AVIL: variants seen among roughly 807,000 people sequenced by gnomAD.
The protein encoded by AVIL is advillin.
A neutral mutation model predicts 109.9 loss-of-function variants in AVIL; 78 were observed. The observed-to-expected ratio is 0.71, with a 90% CI of 0.59 to 0.86. AVIL has a LOEUF of 0.86. Ranked by LOEUF, AVIL falls within the 40% of genes least tolerant of loss-of-function variation. The pLI, the probability that AVIL is intolerant of heterozygous loss-of-function variation, is 0.00. For synonymous variants in AVIL, 367 were observed against 379.1 expected, an observed-to-expected ratio of 0.97 and a Z score of 0.37; for missense variants, 892 against 1,016.5, an observed-to-expected ratio of 0.88 and a Z score of 1.67.
In AVIL at chr12:57,810,891, A is replaced by G. The variant is rs747622490; in HGVS notation, c.483T>C (p.Asp161=). ...CTTTCCCAAGGTCCAGCAAGAAGAC[A>G]TCACCTCGGTTGAAACTGTCCCAGC... is the stretch of plus-strand genomic sequence containing the variant. ...EMSWDSFNRG[D]VFLLDLGKVI... is the part of the protein sequence containing the mutation. The change falls in exon 6 of 20, where the codon GAT becomes GAC. Residue 161 remains aspartate (D), a synonymous_variant. Transcript: ENST00000549994. 2.5e-6 allele frequency: 4 copies of G among 1,614,208 alleles called. No individual in the cohort carries two copies. The highest frequency in any genetic ancestry group is 3.4e-6 in the Non-Finnish European group (4 of 1,180,036).
At position 57,809,688 on chromosome 12, in the gene AVIL, T is replaced by TA. The variant is rs1956009641; in HGVS notation, c.847dup (p.Tyr283LeufsTer22). ...TTTGGTTCCACTTTGGTCCAGGATG[T>TA]AGCAGTCCTAAAGCAGCCAGAGATA... On this transcript the variant is annotated frameshift_variant, in exon 9 of 20. Transcript: ENST00000549994. LOFTEE classifies it high-confidence loss of function. 6 of 1,614,200 alleles carry TA rather than the reference T, an allele frequency of 3.7e-6. No homozygotes were observed. The highest frequency in any genetic ancestry group is 5.1e-6 in the Non-Finnish European group (6 of 1,180,032).
In AVIL at chr12:57,818,647, A is replaced by G. The variant is rs933217546; in HGVS notation, c.-38T>C. The G allele has an allele frequency of 1.1e-4, 16 of 152,324 alleles. No homozygotes were observed. The highest frequency in any genetic ancestry group is 3.3e-4 in the Admixed American group (5 of 15,302). The allele number at this position is 152,324 out of a possible 1,614,324, so 9.4% of individuals were successfully genotyped here. A position where few individuals can be genotyped will look rare whatever the true frequency, so the allele number is the denominator to read the frequency against. ...ACCTTACCTTGCCTTCTCGCTCACC[A>G]GCCTTCCCAGTTTCCCGGCGCGTAA... On this transcript the variant is annotated 5_prime_UTR_variant, in exon 1 of 20. Coordinates refer to ENST00000549994, the MANE Select transcript of AVIL (RefSeq NM_006576.4).
In AVIL at chr12:57,810,358, A is replaced by G. The variant is rs1956019368; in HGVS notation, c.752T>C (p.Met251Thr). The change falls in exon 7 of 20, where the codon ATG becomes ACG. Residue 251 changes from methionine (M) to threonine (T), a missense_variant. Met to Thr is a moderately conservative substitution (Grantham distance 81). Transcript: ENST00000549994. ...IIDQKQKSTI[M>T]LYHISDSAGQ... is the part of the protein sequence containing the mutation. Reference sequence around the variant, plus strand: ...AGGTTGAGCTACTCACTGATACAACATGATAGTTGATTTCTGCTTCTGATC... The same window carrying G: ...AGGTTGAGCTACTCACTGATACAACGTGATAGTTGATTTCTGCTTCTGATC... 1.9e-6 allele frequency: 3 copies of G among 1,614,210 alleles called. No individual in the cohort carries two copies. The highest frequency in any genetic ancestry group is 2.5e-6 in the Non-Finnish European group (3 of 1,180,040).
In AVIL at chr12:57,809,677, G is replaced by C; in HGVS notation, c.859C>G (p.Gln287Glu). Residue 287 changes from glutamine to glutamate, a missense_variant, in exon 9 of 20, where the codon CAA becomes GAA. By Grantham distance (29) the Gln-to-Glu change is conservative. Transcript: ENST00000549994. ...LNHDDCYILDQSGTKIYVWKG... is the reference protein window; with the variant it reads ...LNHDDCYILDESGTKIYVWKG... ...CACACGTAGATTTTGGTTCCACTTTGGTCCAGGATGTAGCAGTCCTAAAGC... is the reference window on the plus strand; with the variant it reads ...CACACGTAGATTTTGGTTCCACTTTCGTCCAGGATGTAGCAGTCCTAAAGC... 6.2e-7 allele frequency: 1 copy of C among 1,614,140 alleles called. No individual in the cohort carries two copies.
rs1246456253 is a variant in AVIL at position 57,813,397 on chromosome 12, G to A, written c.168C>T (p.Ser56=). The change falls in exon 4 of 20, where the codon TCC becomes TCT. Residue 56 remains serine (S), a synonymous_variant. Coordinates refer to ENST00000549994, the MANE Select transcript of AVIL (RefSeq NM_006576.4). ...TCCCGATCCAGAAGTGGATGTCCTG[G>A]GATAGGAGACTGGCCACTCTCCGGG... ...LSTRRVASLL[S]QDIHFWIGKD... is the part of the protein sequence containing the mutation. The A allele has an allele frequency of 6.2e-7, 1 of 1,614,036 alleles. No individual in the cohort carries two copies. The highest frequency in any genetic ancestry group is 2.2e-5 in the East Asian group (1 of 44,878).
intron 14 of AVIL, among the ~76,000 whole-genome samples, chr12:57,804,873 A>G (rs1263881733): frequency 1.3e-5 from 2 of 152,004 alleles, no homozygotes; most frequent in Non-Finnish European, 2.9e-5. Context: ...ACCATTTGCA[A>G]TCCTGCCAAC....
At position 57,811,100 on chromosome 12, in the gene AVIL, C is replaced by T. The variant is rs753358581; in HGVS notation, c.366G>A (p.Gly122=). ...AGGTATTGGTCTCCACGTGCTTCAT[C>T]CCAGAGGCGACACCCCCCTGCTTGT... is the stretch of plus-strand genomic sequence containing the variant. ...IIYKQGGVAS[G]MKHVETNTYD... is the part of the protein sequence containing the mutation. The change falls in exon 5 of 20, where the codon GGG becomes GGA. Residue 122 remains glycine (G), a synonymous_variant. Transcript: ENST00000549994. The T allele has an allele frequency of 1.4e-5, 22 of 1,614,032 alleles. No homozygotes were observed. The South Asian group carries it at 1.9e-4, about 14-fold the overall frequency.
intron 13 of AVIL, 92 bp downstream of exon 13, chr12:57,807,239 C>G: frequency 6.4e-7 from 1 of 1,572,230 alleles, no homozygotes. Context: ...GACTCCCTAC[C>G]CCACCCCTCC....
At chr12:57,811,955 T>A (rs1304384398) in intron 4 of AVIL, among the ~76,000 whole-genome samples, 2 of 152,144 alleles carry the variant, frequency 1.3e-5, no homozygotes, top group Non-Finnish European at 2.9e-5. Context: ...CCATTCTAAC[T>A]GTTGACCTTT....
At chr12:57,815,464 C>T in intron 2 of AVIL, 1 of 764,524 alleles carries the variant, frequency 1.3e-6, no homozygotes, top group Non-Finnish European at 1.8e-6. Flanking sequence ...GTGGAGCTAC[C>T]CAGGCCAGGG....
rs758662792 is a variant in AVIL, at chr12:57,810,332, C to T, written c.761+17G>A. The T allele has an allele frequency of 5.6e-6, 9 of 1,613,040 alleles. 1 individual carries two copies. The South Asian group carries it at 8.8e-5, about 16-fold the overall frequency. On this transcript the variant is annotated intron_variant, in intron 7 of 19. Transcript: ENST00000549994. ...CCCAACCCCAGCTTCCAGCTAAAAC[C>T]AGGTTGAGCTACTCACTGATACAAC...
chr12:57,803,695 G>C (rs757492023), intron 14 of AVIL, 26 bp from the exon 15 acceptor site: 3 of 1,609,640 alleles, frequency 1.9e-6, no homozygotes, highest in Non-Finnish European at 2.5e-6. Context: ...GGAGAGCACA[G>C]ATGTTAGTTG....
chr12:57,805,913 C>G (rs1434836355), intron 14 of AVIL: 1 of 155,582 alleles, frequency 6.4e-6, no homozygotes, highest in African/African-American at 2.5e-5. Flanking sequence ...TCTCGGCTCA[C>G]TGCAACCTCC....
intron 14 of AVIL, chr12:57,804,361 T>C (rs1397430721): frequency 6.6e-6 from 1 of 152,240 alleles, no homozygotes; most frequent in Non-Finnish European, 1.5e-5. Context: ...CTACTGTTTG[T>C]TTATCCATTT....
intron 17 of AVIL, among the ~76,000 whole-genome samples, chr12:57,801,799 CTG>C (rs1291862926): frequency 2.0e-5 from 3 of 152,046 alleles, no homozygotes; most frequent in African/African-American, 4.8e-5. Context: ...TGTTGATTAA[CTG>C]TGACTTTAGA....
chr12:57,807,247 T>A, intron 13 of AVIL, 84 bp downstream of exon 13: 22 of 1,523,094 alleles, frequency 1.4e-5, no homozygotes, highest in South Asian at 2.3e-5. Context: ...ACCCCACCCC[T>A]CCTCTGCTCT....
intron 14 of AVIL, 43 bp downstream of exon 14, chr12:57,806,317 G>C (rs1955944931): frequency 6.2e-7 from 1 of 1,608,722 alleles, no homozygotes; most frequent in South Asian, 1.1e-5. Flanking sequence ...GTGCAGGTCT[G>C]GGCTCCGAGG....
In AVIL at chr12:57,810,832, C is replaced by G. The variant is rs1272107999; in HGVS notation, c.542G>C (p.Ser181Thr). 3 of 1,614,202 alleles carry G rather than the reference C, an allele frequency of 1.9e-6. No homozygotes were observed. The highest frequency in any genetic ancestry group is 2.2e-5 in the South Asian group (2 of 91,086). Reference protein sequence around the residue: ...IIQWNGPESNSGERLKAMLLA... With the variant: ...IIQWNGPESNTGERLKAMLLA... Reference sequence around the variant, plus strand: ...AAGCCATACCTTCAGGCGCTCCCCACTGTTGCTCTCTGGGCCATTCCATTG... The same window carrying G: ...AAGCCATACCTTCAGGCGCTCCCCAGTGTTGCTCTCTGGGCCATTCCATTG... Residue 181 changes from serine (S) to threonine (T), a missense_variant, in exon 6 of 20, where the codon AGT becomes ACT. Physicochemically the swap from Ser to Thr is moderately conservative, Grantham distance 58. Coordinates refer to ENST00000549994, the MANE Select transcript of AVIL (RefSeq NM_006576.4).
Position 57,799,805 on chromosome 12 carries a change from G to T in AVIL, c.2336C>A (p.Ala779Asp). The T allele has an allele frequency of 6.2e-7, 1 of 1,613,816 alleles. No individual in the cohort carries two copies. Among genetic ancestry groups the T allele is most frequent in the Non-Finnish European group, 8.5e-7 (1 of 1,179,976 alleles). ...NQELPEDVNP[A>D]KKENYLSEQD... ...CCTTCAGCCACTCACCTCCTTTTTG[G>T]CAGGGTTTACATCCTCAGGCAGCTC... Residue 779 changes from alanine (A) to aspartate (D), a missense_variant, in exon 19 of 20, where the codon GCC becomes GAC. Coordinates refer to ENST00000549994, the MANE Select transcript of AVIL (RefSeq NM_006576.4).
Sources: gnomAD v4.1 joint callset for allele counts (sites outside exome capture counted in the v4.1 genomes callset) on GRCh38, gnomAD v4.1.1 for gene constraint, MANE v1.5 for transcripts, NCBI Gene and HGNC (gene_info 2026-07-23, HGNC 2026-07-21) for gene names.